The following SMG1 variants were observed in gnomAD, a reference collection of about 807,000 sequenced individuals.
SMG1 encodes serine/threonine-protein kinase SMG1.
SMG1 carries 22 observed loss-of-function variants against 419.9 expected under a neutral mutation model. The ratio of observed to expected loss-of-function variants is 0.05; its 90% CI spans 0.04 to 0.07. SMG1 has a LOEUF of 0.07. Ranked by LOEUF, SMG1 falls within the 10% of genes least tolerant of loss-of-function variation. The pLI is 1.00. For synonymous variants in SMG1, 1,538 were observed against 1,553.5 expected, an observed-to-expected ratio of 0.99 and a Z score of 0.23; for missense variants, 3,185 against 4,342.0, an observed-to-expected ratio of 0.73 and a Z score of 7.49.
chr16:18,900,278 C>G (rs1183413428), intron 1 of SMG1, among the ~76,000 whole-genome samples: 1 of 152,178 alleles, frequency 6.6e-6, no homozygotes, highest in East Asian at 1.9e-4. Context: ...TAAATGTTAA[C>G]TGTAACATAC....
chr16:18,920,211 G>A (rs1348750883), intron 1 of SMG1, among the ~76,000 whole-genome samples: 16 of 151,536 alleles, frequency 1.1e-4, no homozygotes, highest in African/African-American at 2.4e-4. Context: ...GTGAAACCCC[G>A]TCTCTACTAA....
rs1472782234 is a variant in SMG1 at position 18,859,045 on chromosome 16, C to T, written c.4090G>A (p.Val1364Ile). The T allele has an allele frequency of 2.0e-6, 3 of 1,533,368 alleles. No individual in the cohort carries two copies. In the African/African-American group the frequency reaches 4.1e-5, roughly 21 times the overall value. The allele number at this position is 1,533,368 out of a possible 1,614,324, so 95.0% of individuals were successfully genotyped here. The change falls in exon 28 of 63, where the codon GTT becomes ATT. Residue 1364 changes from valine to isoleucine, a missense_variant. Val to Ile is a conservative substitution (Grantham distance 29). Transcript: ENST00000446231. ...ACCTCTGTTGAAAGTCTGTTAGAAA[C>T]TGTGTTCTCCAAAGCAGATGAGCAA... ...LYCSSALENT[V>I]SNRLSTEDCL... is the part of the protein sequence containing the mutation.
In SMG1 at chr16:18,912,319, T is replaced by C. The variant is rs1596652360; in HGVS notation, c.92+13631A>G. On this transcript the variant is annotated intron_variant, in intron 1 of 62. Transcript: ENST00000446231. ...TGCAAAGAGAAGACAGAGATAACAA[T>C]AGCAATAATAATAATGTATTTCAAA... Among the ~76,000 whole-genome samples the C allele has an allele frequency of 3.3e-5, 5 of 151,580 alleles. No individual in the cohort carries two copies. In the South Asian group the frequency reaches 1.0e-3, roughly 31 times the overall value.
chr16:18,873,106 A>G (rs1292949723), intron 13 of SMG1, among the ~76,000 whole-genome samples: 1 of 152,028 alleles, frequency 6.6e-6, no homozygotes, highest in Non-Finnish European at 1.5e-5. Context: ...GTGACCCGAG[A>G]TCATACCACT....
chr16:18,830,460 C>A, intron 51 of SMG1, 91 bp from the exon 52 acceptor site: 10 of 1,380,696 alleles, frequency 7.2e-6, no homozygotes. Flanking sequence ...CAGCTGCATG[C>A]TGTGAGAGTC....
chr16:18,845,842 AGT>A (rs1191710015), intron 38 of SMG1, among the ~76,000 whole-genome samples, 191 bp from the exon 39 acceptor site: 2 of 151,954 alleles, frequency 1.3e-5, no homozygotes, highest in Non-Finnish European at 1.5e-5. Flanking sequence ...TTGGAGACAG[AGT>A]TTTGCTCTGT....
In SMG1 at chr16:18,833,662, T is replaced by G. The variant is rs140501288; in HGVS notation, c.8566-496A>C. ...ATACTTTGGTACTTGCATACACTCA[T>G]GAAACTGTCACCACAATCAAGAAAA... On this transcript the variant is annotated intron_variant, in intron 50 of 62. Transcript: ENST00000446231. Among the ~76,000 whole-genome samples, 473 of 152,294 alleles carry G rather than the reference T, an allele frequency of 3.1e-3. 8 individuals are homozygous for G. Among genetic ancestry groups the G allele is most frequent in the African/African-American group, 0.011 (438 of 41,566 alleles).
In SMG1 at chr16:18,842,587, G is replaced by A. The variant is rs2033985841; in HGVS notation, c.6220-133C>T. 5.1e-6 allele frequency: 4 copies of A among 785,854 alleles called. No homozygotes were observed. The African/African-American group carries it at 5.2e-5, about 10-fold the overall frequency. The allele number at this position is 785,854 out of a possible 1,614,324, so 48.7% of individuals were successfully genotyped here. ...TGCCTGTAATCCCAGCACTTTGGGAGGCCGAGGTAGGCAGATCACTTGAGT... is the reference window on the plus strand; with the variant it reads ...TGCCTGTAATCCCAGCACTTTGGGAAGCCGAGGTAGGCAGATCACTTGAGT... On this transcript the variant is annotated intron_variant, in intron 39 of 62. Coordinates refer to ENST00000446231, the MANE Select transcript of SMG1 (RefSeq NM_015092.5).
chr16:18,923,464 T>G (rs1264133375), intron 1 of SMG1, among the ~76,000 whole-genome samples: 1 of 151,980 alleles, frequency 6.6e-6, no homozygotes, highest in Non-Finnish European at 1.5e-5. Flanking sequence ...GCCAACATGG[T>G]GGAATCCCGT....
rs1000176388 is a variant in SMG1 at position 18,805,333 on chromosome 16, T to C, written c.*4236A>G. ...TTCTAAAAGTGTGCATTTCAGAACA[T>C]AGAATTCTTCTAAGTTTACCATCTT... On this transcript the variant is annotated 3_prime_UTR_variant, in exon 63 of 63. Transcript: ENST00000446231. 6.6e-5 allele frequency: 10 copies of C among 152,208 alleles called. No individual in the cohort carries two copies. Among genetic ancestry groups the C allele is most frequent in the African/African-American group, 9.6e-5 (4 of 41,456 alleles). The allele number at this position is 152,208 out of a possible 1,614,324, so 9.4% of individuals were successfully genotyped here.
chr16:18,916,221 G>A (rs2037971591), intron 1 of SMG1, among the ~76,000 whole-genome samples: 1 of 149,798 alleles, frequency 6.7e-6, no homozygotes, highest in Non-Finnish European at 1.5e-5. Context: ...AGATGGAAAA[G>A]AATAACATTA....
intron 11 of SMG1, chr16:18,878,486 T>C (rs2036241494): frequency 6.6e-6 from 1 of 151,756 alleles, no homozygotes; most frequent in African/African-American, 2.4e-5. Context: ...CATGCATCTG[T>C]AGTCCCAGAT....
intron 1 of SMG1, among the ~76,000 whole-genome samples, chr16:18,916,984 G>A (rs1423598226): frequency 2.6e-5 from 4 of 151,964 alleles, no homozygotes; most frequent in Non-Finnish European, 5.9e-5. Context: ...CATTTTATAT[G>A]ACACTTATAT....
In SMG1 at chr16:18,845,636, T is replaced by C; in HGVS notation, c.6012A>G (p.Ala2004=). Residue 2004 remains alanine (A), a synonymous_variant, in exon 39 of 63, where the codon GCA becomes GCG. Coordinates refer to ENST00000446231, the MANE Select transcript of SMG1 (RefSeq NM_015092.5). ...AAGCTGTGTGCTTCTCCCTCATGAT[T>C]GCAATTTTCTCTTCTCTGACCAAGA... ...NNTLRKEEKI[A]IMREKHTALM... is the part of the protein sequence containing the mutation. The C allele has an allele frequency of 6.2e-7, 1 of 1,610,042 alleles. No homozygotes were observed. Among genetic ancestry groups the C allele is most frequent in the African/African-American group, 1.3e-5 (1 of 74,948 alleles).
chr16:18,853,197 T>C (rs897834351), intron 31 of SMG1, among the ~76,000 whole-genome samples: 47 of 152,224 alleles, frequency 3.1e-4, no homozygotes, highest in Non-Finnish European at 8.8e-5. Context: ...ATCTTTGTGT[T>C]ACTAGCACTA....
At position 18,830,115 on chromosome 16, in the gene SMG1, A is replaced by T. The variant is rs2033063878; in HGVS notation, c.8944T>A (p.Leu2982Met). The T allele has an allele frequency of 6.2e-7, 1 of 1,602,280 alleles. No homozygotes were observed. The highest frequency in any genetic ancestry group is 1.7e-5 in the Admixed American group (1 of 57,836). Residue 2982 changes from leucine to methionine, a missense_variant and splice_region_variant, in exon 53 of 63, where the codon TTG (leucine) becomes ATG (methionine). Around this residue, in one of 27 missense-constraint regions of SMG1, gnomAD observed 737 missense variants for 846.6 expected, o/e 0.87. Coordinates refer to ENST00000446231, the MANE Select transcript of SMG1 (RefSeq NM_015092.5). ...ETAFSLLVEK[L>M]NKMEIPIAWR... ...GCTATGGGAATTTCCATCTTGTTCA[A>T]CTATGTAAATGAAAGAAAACAAAGT...
chr16:18,821,266 T>TTC (rs1338334914), intron 55 of SMG1, among the ~76,000 whole-genome samples: 1 of 34,008 alleles, frequency 2.9e-5, no homozygotes, highest in Admixed American at 3.1e-4. Flanking sequence ...TTTTTTTTTT[T>TTC]ATTATACTCT....
chr16:18,879,357 C>T (rs2036284381), intron 11 of SMG1, 138 bp downstream of exon 11: 2 of 656,196 alleles, frequency 3.0e-6, no homozygotes, highest in Admixed American at 4.8e-5. Context: ...GCAAGCAATC[C>T]TTCTGCTTTG....
In SMG1 at chr16:18,842,217, G is replaced by C; in HGVS notation, c.6457C>G (p.Leu2153Val). Residue 2153 changes from leucine (L) to valine (V), a missense_variant, in exon 40 of 63, where the codon CTT (leucine) becomes GTT (valine). Physicochemically the swap from Leu to Val is conservative, Grantham distance 32 (BLOSUM62 1). This residue lies in a region of SMG1 where 159 missense variants were observed against 196.0 expected (regional missense o/e 0.81). Transcript: ENST00000446231. ...AAGTCTTAAATCCTACCTTTGAAAA[G>C]ATAAGGATAGCTCTTCCCATCTGAT... ...LGSDGKSYPY[L>V]FKGLEDLHLD... 2 of 1,613,152 alleles carry C rather than the reference G, an allele frequency of 1.2e-6. No homozygotes were observed. The highest frequency in any genetic ancestry group is 2.2e-5 in the South Asian group (2 of 90,934).
Sources: allele counts gnomAD v4.1 joint callset (sites outside exome capture counted in the v4.1 genomes callset), GRCh38; gene constraint gnomAD v4.1.1; regional missense constraint gnomAD v4.1.1; transcripts MANE v1.5; gene names NCBI Gene and HGNC (gene_info 2026-07-23, HGNC 2026-07-21).